The following SLC41A2 variants were observed in gnomAD, a reference collection of about 807,000 sequenced individuals.
SLC41A2 encodes solute carrier family 41 member 2.
In SLC41A2, 32 loss-of-function variants were observed where a neutral mutation model predicts 58.3. The ratio of observed to expected loss-of-function variants is 0.55; its 90% CI spans 0.41 to 0.74. The LOEUF is 0.74. SLC41A2 is among the 30% of genes least tolerant of loss of function. The probability of loss-of-function intolerance (pLI) is 0.00; values close to 1 mark genes in which losing one functional copy is unlikely to be tolerated. For missense variants in SLC41A2, 514 were observed against 680.6 expected, an observed-to-expected ratio of 0.76 and a Z score of 2.72; for synonymous variants, 190 against 235.0, an observed-to-expected ratio of 0.81 and a Z score of 1.75.
At chr12:104,941,231 C>A (rs1218287086) in intron 1 of SLC41A2, among the ~76,000 whole-genome samples, 2 of 152,252 alleles carry the variant, frequency 1.3e-5, no homozygotes, top group East Asian at 3.9e-4. Context: ...ACTGATACCC[C>A]AGAGCTAGCT....
Position 104,928,226 on chromosome 12 carries a change from G to C in SLC41A2, c.302C>G (p.Ala101Gly). The change falls in exon 2 of 11, where the codon GCA becomes GGA. Residue 101 changes from alanine to glycine, a missense_variant. Physicochemically the swap from Ala to Gly is moderately conservative, Grantham distance 60 (BLOSUM62 0). Transcript: ENST00000258538. Reference protein sequence around the residue: ...EQSFHANNGHASSSCSQKYDD... With the variant: ...EQSFHANNGHGSSSCSQKYDD... ...ATACTTTTGGCTGCAGCTTGATGATGCGTGCCCATTATTGGCATGAAAAGA... is the reference window on the plus strand; with the variant it reads ...ATACTTTTGGCTGCAGCTTGATGATCCGTGCCCATTATTGGCATGAAAAGA... The C allele has an allele frequency of 6.2e-7, 1 of 1,614,140 alleles. No homozygotes were observed. The highest frequency in any genetic ancestry group is 8.5e-7 in the Non-Finnish European group (1 of 1,180,010).
At chr12:104,869,107 C>T (rs1593034011) in intron 6 of SLC41A2, among the ~76,000 whole-genome samples, 1 of 152,130 alleles carries the variant, frequency 6.6e-6, no homozygotes, top group South Asian at 2.1e-4. Context: ...TCAAGTGATC[C>T]TCCCATCTCA....
chr12:104,850,968 CTA>C (rs1225782427), intron 8 of SLC41A2, among the ~76,000 whole-genome samples: 1 of 152,188 alleles, frequency 6.6e-6, no homozygotes, highest in Non-Finnish European at 1.5e-5. Flanking sequence ...GTGGCTCAAA[CTA>C]TGTGGGTTTT....
At chr12:104,941,493 G>A (rs369865868) in intron 1 of SLC41A2, among the ~76,000 whole-genome samples, 2 of 151,950 alleles carry the variant, frequency 1.3e-5, no homozygotes, top group South Asian at 4.1e-4. Flanking sequence ...CTCAACTCTC[G>A]CCTCCCAAAA....
At chr12:104,903,254 C>A (rs553175116) in intron 3 of SLC41A2, among the ~76,000 whole-genome samples, 1 of 152,294 alleles carries the variant, frequency 6.6e-6, no homozygotes, top group South Asian at 2.1e-4. Flanking sequence ...ATGCAGTAGT[C>A]AAAATAATCT....
chr12:104,958,027 G>A (rs74712239), intron 1 of SLC41A2, 61 bp downstream of exon 1: 6,808 of 152,068 alleles, frequency 0.045, 338 homozygotes, highest in East Asian at 0.14. Context: ...CCTCCCTCCC[G>A]CACCTGATGC....
intron 6 of SLC41A2, among the ~76,000 whole-genome samples, chr12:104,880,870 G>T (rs566999961): frequency 6.6e-6 from 1 of 152,244 alleles, no homozygotes; most frequent in African/African-American, 2.4e-5. Context: ...CTATTGATTG[G>T]AATAGTTTCA....
intron 1 of SLC41A2, among the ~76,000 whole-genome samples, chr12:104,951,324 A>G (rs2047945654): frequency 6.6e-6 from 1 of 152,228 alleles, no homozygotes. Flanking sequence ...ATATAAAAAG[A>G]TAAAATTCTC....
intron 1 of SLC41A2, among the ~76,000 whole-genome samples, chr12:104,943,025 T>C (rs1172886424): frequency 1.3e-5 from 2 of 152,196 alleles, no homozygotes; most frequent in Non-Finnish European, 2.9e-5. Flanking sequence ...CAGTTCAATT[T>C]TTAAAATGCA....
intron 2 of SLC41A2, among the ~76,000 whole-genome samples, chr12:104,911,898 G>A (rs906902841): frequency 6.6e-6 from 1 of 152,008 alleles, no homozygotes; most frequent in Admixed American, 6.6e-5. Context: ...TTTTATGATG[G>A]GCTAACAATT....
chr12:104,858,467 T>C (rs2043095407), intron 8 of SLC41A2, among the ~76,000 whole-genome samples: 1 of 152,192 alleles, frequency 6.6e-6, no homozygotes, highest in Non-Finnish European at 1.5e-5. Flanking sequence ...ACCTGGTACA[T>C]AGTGGTAGGT....
At chr12:104,904,825 G>GGTTACAGCTCATAAAA (rs1565889613) in intron 3 of SLC41A2, among the ~76,000 whole-genome samples, 1 of 152,068 alleles carries the variant, frequency 6.6e-6, no homozygotes, top group Non-Finnish European at 1.5e-5. Context: ...AGATCTTCGC[G>GGTTACAGCTCATAAAA]GTGAGTGTTA....
chr12:104,950,588 A>G (rs931880224), intron 1 of SLC41A2, among the ~76,000 whole-genome samples: 7 of 152,178 alleles, frequency 4.6e-5, no homozygotes, highest in African/African-American at 1.7e-4. Flanking sequence ...CAGGCTGGTC[A>G]CGAACTCCTG....
intron 1 of SLC41A2, among the ~76,000 whole-genome samples, chr12:104,946,712 G>A (rs2047731974): frequency 6.6e-6 from 1 of 152,216 alleles, no homozygotes; most frequent in Non-Finnish European, 1.5e-5. Context: ...TTCATTCAAT[G>A]AAAGATGACT....
intron 5 of SLC41A2, among the ~76,000 whole-genome samples, chr12:104,887,577 A>G (rs543886303): frequency 2.7e-4 from 41 of 152,124 alleles, no homozygotes; most frequent in African/African-American, 9.6e-4. Context: ...ACTTTTTAAA[A>G]AAAATACATT....
intron 10 of SLC41A2, among the ~76,000 whole-genome samples, chr12:104,807,155 A>C (rs990801990): frequency 6.6e-5 from 10 of 152,126 alleles, no homozygotes; most frequent in African/African-American, 2.4e-4. Context: ...CAATGTCCTG[A>C]ATGGTATTGC....
At chr12:104,918,117 G>C (rs899199846) in intron 2 of SLC41A2, among the ~76,000 whole-genome samples, 2 of 151,744 alleles carry the variant, frequency 1.3e-5, no homozygotes, top group South Asian at 4.2e-4. Flanking sequence ...TCACTGATGA[G>C]ATTGGTAAAG....
At chr12:104,818,814 T>C (rs951875540) in intron 10 of SLC41A2, among the ~76,000 whole-genome samples, 1 of 151,996 alleles carries the variant, frequency 6.6e-6, no homozygotes, top group Non-Finnish European at 1.5e-5. Context: ...GGGGCAGAGG[T>C]TGCAGTAAGC....
chr12:104,863,302 G>A (rs1036711914), intron 7 of SLC41A2, among the ~76,000 whole-genome samples: 1 of 152,040 alleles, frequency 6.6e-6, no homozygotes, highest in African/African-American at 2.4e-5. Context: ...ATCTGGGTGG[G>A]TGCATGCCTG....
Sources: allele counts gnomAD v4.1 joint callset (sites outside exome capture counted in the v4.1 genomes callset), GRCh38; gene constraint gnomAD v4.1.1; transcripts MANE v1.5; gene names NCBI Gene and HGNC (gene_info 2026-07-23, HGNC 2026-07-21).